The following MACROD2 variants were observed in gnomAD, a reference collection of about 807,000 sequenced individuals.
MACROD2 encodes mono-ADP ribosylhydrolase 2.
A neutral mutation model predicts 70.4 loss-of-function variants in MACROD2; 36 were observed. The ratio of observed to expected loss-of-function variants is 0.51; its 90% CI spans 0.39 to 0.68. The LOEUF is 0.68. Among genes scored for constraint, MACROD2 ranks in the 30% least tolerant of loss-of-function variants. The probability of loss-of-function intolerance (pLI) is 0.00; values close to 1 mark genes in which losing one functional copy is unlikely to be tolerated. For missense variants in MACROD2, 496 were observed against 538.4 expected, an observed-to-expected ratio of 0.92 and a Z score of 0.78; for synonymous variants, 172 against 178.8, an observed-to-expected ratio of 0.96 and a Z score of 0.30.
chr20:14,365,688 A>G lies in MACROD2; in HGVS notation c.272-127791A>G, dbSNP rs532565085. On this transcript the variant is annotated intron_variant, in intron 3 of 17. Coordinates refer to ENST00000684519, the MANE Select transcript of MACROD2 (RefSeq NM_001351661.2). The stretch of plus-strand genomic sequence containing the variant: ...TTTTCTGTTCTTTTTCTAGTTCCTT[A>G]AAGTGTAAAGTTAGGTTATTGATTT... Among the ~76,000 whole-genome samples the G allele has an allele frequency of 7.1e-4, 108 of 152,170 alleles. 1 individual carries two copies. The highest frequency in any genetic ancestry group is 3.4e-3 in the Middle Eastern group (1 of 294).
intron 8 of MACROD2, among the ~76,000 whole-genome samples, chr20:15,735,521 T>C (rs2051006861): frequency 6.6e-6 from 1 of 152,216 alleles, no homozygotes; most frequent in Admixed American, 6.5e-5. Context: ...CAGAAGGGTA[T>C]TGTTAACATG....
chr20:15,136,096 T>C (rs1458130355), intron 5 of MACROD2, among the ~76,000 whole-genome samples: 3 of 150,746 alleles, frequency 2.0e-5, no homozygotes, highest in Non-Finnish European at 3.0e-5. Flanking sequence ...TCCATGCTCA[T>C]GGATAGGAAG....
chr20:15,990,766 A>T (rs879307449), intron 15 of MACROD2, among the ~76,000 whole-genome samples: 1 of 152,218 alleles, frequency 6.6e-6, no homozygotes, highest in South Asian at 2.1e-4. Context: ...GTGTACAGAC[A>T]GCCATGGCTT....
intron 3 of MACROD2, among the ~76,000 whole-genome samples, chr20:14,303,374 G>A (rs2082493037): frequency 6.6e-6 from 1 of 152,148 alleles, no homozygotes; most frequent in African/African-American, 2.4e-5. Flanking sequence ...TTCTGAGGTG[G>A]TAGAAGGGCC....
chr20:14,438,861 G>A (rs749065159), intron 3 of MACROD2, among the ~76,000 whole-genome samples: 6 of 152,256 alleles, frequency 3.9e-5, no homozygotes, highest in Non-Finnish European at 7.4e-5. Flanking sequence ...TTTGTAGGTT[G>A]TCTTTTTATT....
intron 8 of MACROD2, among the ~76,000 whole-genome samples, chr20:15,507,806 A>G (rs1056599186): frequency 4.6e-5 from 7 of 152,182 alleles, no homozygotes; most frequent in South Asian, 4.1e-4. Context: ...TGGAGCCAGA[A>G]ACTAAAGCCC....
At chr20:14,619,435 G>GA (rs1983681022) in intron 4 of MACROD2, among the ~76,000 whole-genome samples, 1 of 75,972 alleles carries the variant, frequency 1.3e-5, no homozygotes, top group African/African-American at 5.1e-5. Flanking sequence ...GGAAGGAAGG[G>GA]AGGGAGGGAG....
At chr20:16,029,749 A>C (rs558256777) in intron 15 of MACROD2, among the ~76,000 whole-genome samples, 2 of 152,226 alleles carry the variant, frequency 1.3e-5, no homozygotes, top group South Asian at 4.1e-4. Context: ...CCTTTTACTC[A>C]GTCTTTCCCC....
intron 3 of MACROD2, among the ~76,000 whole-genome samples, chr20:14,274,884 A>G (rs1345631800): frequency 6.6e-6 from 1 of 150,684 alleles, no homozygotes; most frequent in Admixed American, 6.6e-5. Context: ...TCATGAGTGA[A>G]CTCCCATTCA....
At chr20:15,377,366 G>C (rs1434259476) in intron 6 of MACROD2, among the ~76,000 whole-genome samples, 7 of 152,036 alleles carry the variant, frequency 4.6e-5, no homozygotes, top group Admixed American at 4.6e-4. Context: ...GGAATAAAAA[G>C]GACAAGAAAA....
At chr20:14,165,820 T>A (rs1334872647) in intron 3 of MACROD2, among the ~76,000 whole-genome samples, 4 of 152,192 alleles carry the variant, frequency 2.6e-5, no homozygotes, top group Non-Finnish European at 2.9e-5. Context: ...AGTGTGGAAA[T>A]TTTTAATCAT....
chr20:15,546,060 G>A (rs2048022148), intron 8 of MACROD2, among the ~76,000 whole-genome samples: 2 of 152,180 alleles, frequency 1.3e-5, no homozygotes, highest in Admixed American at 1.3e-4. Context: ...AGACCAGCCC[G>A]ACCAACATGG....
At chr20:15,404,829 TAA>T (rs1183527001) in intron 6 of MACROD2, among the ~76,000 whole-genome samples, 1 of 152,270 alleles carries the variant, frequency 6.6e-6, no homozygotes, top group African/African-American at 2.4e-5. Flanking sequence ...GTTCCATCCA[TAA>T]AGAGTTCAGA....
At chr20:15,799,368 A>G (rs768459722) in intron 8 of MACROD2, among the ~76,000 whole-genome samples, 2 of 152,190 alleles carry the variant, frequency 1.3e-5, no homozygotes, top group Non-Finnish European at 2.9e-5. Flanking sequence ...CTAATGAGCT[A>G]TCAAATGCTA....
intron 12 of MACROD2, among the ~76,000 whole-genome samples, chr20:15,961,070 G>A (rs531358006): frequency 4.9e-4 from 74 of 152,216 alleles, no homozygotes; most frequent in Non-Finnish European, 7.2e-4. Context: ...AAATAGAAAC[G>A]ATTGTAAAAT....
chr20:15,251,655 A>G (rs933584590), intron 6 of MACROD2, among the ~76,000 whole-genome samples: 3 of 152,158 alleles, frequency 2.0e-5, no homozygotes, highest in African/African-American at 7.2e-5. Context: ...TTTGCCTTTC[A>G]TCTGGTGTTA....
intron 6 of MACROD2, among the ~76,000 whole-genome samples, chr20:15,416,440 T>C (rs2046150321): frequency 1.3e-5 from 2 of 152,360 alleles, no homozygotes; most frequent in South Asian, 4.1e-4. Context: ...GAAGAATTTA[T>C]TACCTTTACG....
rs71335969 is a variant in MACROD2, at chr20:14,486,513, C to CTTTTTTTT, written c.272-6961_272-6960insTTTTTTTT. 1.2e-4 allele frequency among the ~76,000 whole-genome samples: 12 copies of CTTTTTTTT among 97,076 alleles called. 1 individual carries two copies. The highest frequency in any genetic ancestry group is 1.6e-4 in the African/African-American group (4 of 25,090). 63.7% of individuals were successfully genotyped at this position (97,076 alleles called of 152,430 possible). A position where few individuals can be genotyped will look rare whatever the true frequency, so the allele number is the denominator to read the frequency against. ...GAGCTATCTGGCATAAAATAGCCAACTTTTTATTTTATTTTTTTTTTTTGA... is the reference window on the plus strand; with the variant it reads ...GAGCTATCTGGCATAAAATAGCCAACTTTTTTTTTTTTTATTTTATTTTTTTTTTTTGA... On this transcript the variant is annotated intron_variant, in intron 3 of 17. Coordinates refer to ENST00000684519, the MANE Select transcript of MACROD2 (RefSeq NM_001351661.2).
intron 4 of MACROD2, among the ~76,000 whole-genome samples, chr20:14,520,658 GCT>G (rs2085157375): frequency 6.6e-6 from 1 of 151,952 alleles, no homozygotes; most frequent in South Asian, 2.1e-4. Flanking sequence ...TTATAATTCA[GCT>G]CAAATATTAA....
Sources: gnomAD v4.1 joint callset for allele counts (sites outside exome capture counted in the v4.1 genomes callset) on GRCh38, gnomAD v4.1.1 for gene constraint, MANE v1.5 for transcripts, NCBI Gene and HGNC (gene_info 2026-07-23, HGNC 2026-07-21) for gene names.